Variants in TENM1 observed in about 807,000 individuals in gnomAD.
TENM1 encodes teneurin transmembrane protein 1, also known as teneurin-1.
A neutral mutation model predicts 174.8 loss-of-function variants in TENM1; 35 were observed. The observed-to-expected ratio is 0.20, with a 90% confidence interval of 0.15 to 0.27. The LOEUF (loss-of-function observed/expected upper bound fraction) is 0.27. TENM1 is among the 10% of genes least tolerant of loss of function. The pLI, the probability that TENM1 is intolerant of heterozygous loss-of-function variation, is 1.00. For missense variants in TENM1, 1,633 were observed against 2,130.1 expected (o/e 0.77, Z 4.59); for synonymous variants, 781 against 798.7 (o/e 0.98, Z 0.37).
chrX:124,616,562 C>G (rs1602801618), intron 11 of TENM1, among the ~76,000 whole-genome samples: 2 of 112,338 alleles, frequency 1.8e-5, no homozygotes, highest in East Asian at 5.6e-4. Context: ...GCTGTAGAAT[C>G]TGTCCTCTTA....
At chrX:124,394,883 C>T (rs778937301) in intron 27 of TENM1, among the ~76,000 whole-genome samples, 6 of 104,963 alleles carry the variant, frequency 5.7e-5, no homozygotes, top group East Asian at 3.0e-4. Context: ...ACATGATAAA[C>T]ATTTATTTAT....
At chrX:124,742,196 A>T (rs759214494) in intron 3 of TENM1, among the ~76,000 whole-genome samples, 1 of 111,630 alleles carries the variant, frequency 9.0e-6, no homozygotes, top group South Asian at 3.8e-4. Flanking sequence ...TCCCAAGGTT[A>T]CTATGCAGTG....
chrX:124,718,493 T>C (rs1302179727), intron 4 of TENM1, among the ~76,000 whole-genome samples: 1 of 112,550 alleles, frequency 8.9e-6, no homozygotes, highest in Non-Finnish European at 1.9e-5. Flanking sequence ...TGTATTTCTC[T>C]TGCTTAAGAC....
chrX:125,042,555 C>T, the TENM1 span, among the ~76,000 whole-genome samples: 1 of 111,272 alleles, frequency 9.0e-6, no homozygotes, highest in Non-Finnish European at 1.9e-5. Flanking sequence ...ATAAACTAAT[C>T]AGGCAAAAAT....
chrX:124,384,318 G>A (rs1174344443), exon 30 of TENM1: 1 of 1,208,974 alleles, frequency 8.3e-7, no homozygotes, highest in Non-Finnish European at 1.1e-6. Flanking sequence ...CGGTCTCGGA[G>A]GTCATATCGG....
chrX:124,873,788 G>A (rs1169722418), intron 3 of TENM1, among the ~76,000 whole-genome samples: 9 of 110,835 alleles, frequency 8.1e-5, no homozygotes, highest in African/African-American at 2.9e-4. Flanking sequence ...ACCCATAAAA[G>A]GGTATAAAGA....
the TENM1 span, among the ~76,000 whole-genome samples, chrX:125,168,742 G>T: frequency 3.2e-3 from 358 of 111,049 alleles, 1 homozygote; most frequent in African/African-American, 0.011. Flanking sequence ...CACCTACAAA[G>T]AAATTAATTC....
chrX:124,499,985 T>G (rs972851488), intron 19 of TENM1, among the ~76,000 whole-genome samples: 8 of 111,583 alleles, frequency 7.2e-5, no homozygotes, highest in African/African-American at 2.6e-4. Flanking sequence ...TAGTTAACAA[T>G]TACCCTCAAA....
chrX:124,463,836 G>GGTGTGTGTGT (rs61128914), intron 22 of TENM1, among the ~76,000 whole-genome samples: 4 of 90,941 alleles, frequency 4.4e-5, no homozygotes, highest in Non-Finnish European at 6.6e-5. Flanking sequence ...TAGAGGTTGG[G>GGTGTGTGTGT]GTGTGTGTGT....
chrX:124,500,525 A>G (rs972902172), intron 19 of TENM1, among the ~76,000 whole-genome samples: 9 of 111,847 alleles, frequency 8.0e-5, no homozygotes, highest in East Asian at 2.8e-4. Context: ...AGGGAATCCA[A>G]TGATCCTAGG....
chrX:124,587,010 T>G (rs374569448), intron 11 of TENM1, among the ~76,000 whole-genome samples: 2 of 110,278 alleles, frequency 1.8e-5, no homozygotes, highest in East Asian at 2.8e-4. Context: ...CAAGGAGAAC[T>G]ACAAACCACT....
At chrX:124,616,632 T>C (rs185698777) in intron 11 of TENM1, among the ~76,000 whole-genome samples, 223 of 112,661 alleles carry the variant, frequency 2.0e-3, no homozygotes, top group African/African-American at 6.6e-3. Flanking sequence ...TAGGGTTCTA[T>C]AGTAGAAATA....
At chrX:124,389,002 G>A (rs780971640) in intron 28 of TENM1, among the ~76,000 whole-genome samples, 1 of 112,449 alleles carries the variant, frequency 8.9e-6, no homozygotes, top group South Asian at 3.6e-4. Flanking sequence ...TAGCCCACAA[G>A]TCTTCAAAAT....
At chrX:124,905,729 C>T (rs764758839) in intron 1 of TENM1, among the ~76,000 whole-genome samples, 11 of 111,477 alleles carry the variant, frequency 9.9e-5, no homozygotes, top group Non-Finnish European at 3.8e-5. Context: ...GTTTGCAGTA[C>T]GGAGTACCAG....
chrX:124,732,944 A>G (rs1211204002), intron 4 of TENM1, among the ~76,000 whole-genome samples: 1 of 111,821 alleles, frequency 8.9e-6, no homozygotes, highest in Non-Finnish European at 1.9e-5. Context: ...GACAACACAT[A>G]CACTGAAAAG....
intron 25 of TENM1, among the ~76,000 whole-genome samples, chrX:124,414,938 C>A (rs1347332741): frequency 1.8e-5 from 2 of 111,848 alleles, no homozygotes; most frequent in East Asian, 5.6e-4. Flanking sequence ...AACAATTTGT[C>A]CCCTTGTCCA....
Position 124,917,346 on chromosome X carries a change from T to C in TENM1, c.218-21105A>G, listed in dbSNP as rs150879127. ...AAACTTTTTTTTTCTCTTAAGCTAGTTGGAGTTGGGCTACCACCATTCACT... is the reference window on the plus strand; with the variant it reads ...AAACTTTTTTTTTCTCTTAAGCTAGCTGGAGTTGGGCTACCACCATTCACT... On this transcript the variant is annotated intron_variant, in intron 1 of 31. Coordinates refer to ENST00000422452, the Ensembl canonical transcript of TENM1. Among the ~76,000 whole-genome samples the C allele has an allele frequency of 4.8e-3, 536 of 112,001 alleles. 2 individuals are homozygous for C. The highest frequency in any genetic ancestry group is 0.017 in the African/African-American group (511 of 30,810).
At chrX:124,582,813 T>C (rs2049360152) in intron 11 of TENM1, among the ~76,000 whole-genome samples, 1 of 111,449 alleles carries the variant, frequency 9.0e-6, no homozygotes, top group African/African-American at 3.3e-5. Context: ...ACCTGGAAAA[T>C]CGGGTCACTC....
At chrX:124,775,471 T>C (rs765379580) in intron 3 of TENM1, among the ~76,000 whole-genome samples, 2 of 111,832 alleles carry the variant, frequency 1.8e-5, no homozygotes, top group Non-Finnish European at 3.8e-5. Flanking sequence ...CATTCTTCTT[T>C]GCCAGTGACT....
Sources: allele counts gnomAD v4.1 joint callset (sites outside exome capture counted in the v4.1 genomes callset), GRCh38; gene constraint gnomAD v4.1.1; transcripts MANE v1.5; gene names NCBI Gene and HGNC (gene_info 2026-07-23, HGNC 2026-07-21).